The following PRKAR1A variants were observed in gnomAD, a reference collection of about 807,000 sequenced individuals.
The protein encoded by PRKAR1A is cAMP-dependent protein kinase type I-alpha regulatory subunit.
PRKAR1A carries 3 observed loss-of-function variants against 52.0 expected under a neutral mutation model. That is an observed-to-expected ratio of 0.06 (90% CI 0.03 to 0.15). The LOEUF (loss-of-function observed/expected upper bound fraction) is 0.15. PRKAR1A is among the 10% of genes least tolerant of loss of function. The pLI is 1.00. For missense variants in PRKAR1A, 240 were observed against 477.4 expected (o/e 0.50, Z 4.63); for synonymous variants, 188 against 168.4 (o/e 1.12, Z -0.90).
rs372462265 is a variant in PRKAR1A, at chr17:68,524,972, A to G, written c.549+14A>G. The G allele has an allele frequency of 1.7e-4, 265 of 1,590,104 alleles. 2 individuals carry two copies. In the African/African-American group the frequency reaches 2.9e-3, roughly 18 times the overall value. On this transcript the variant is annotated intron_variant, in intron 6 of 10. Coordinates refer to ENST00000589228, the MANE Select transcript of PRKAR1A (RefSeq NM_002734.5). Reference sequence around the variant, plus strand: ...GGAGAGACGGATGTAAGATTTACCAATATCAAAAATATGTTGATCTTAAAA... The same window carrying G: ...GGAGAGACGGATGTAAGATTTACCAGTATCAAAAATATGTTGATCTTAAAA...
At chr17:68,546,569 G>A (rs576370315) in intron 11 of PRKAR1A, among the ~76,000 whole-genome samples, 3 of 152,050 alleles carry the variant, frequency 2.0e-5, no homozygotes, top group East Asian at 1.9e-4. Context: ...GGTGGCTCGC[G>A]CCTATAATCC....
chr17:68,446,414 T>C, the PRKAR1A span, among the ~76,000 whole-genome samples: 2 of 152,090 alleles, frequency 1.3e-5, no homozygotes, highest in Non-Finnish European at 2.9e-5. Flanking sequence ...CCTCCTGAGC[T>C]CAAGAGCTCC....
At chr17:68,441,597 G>C in the PRKAR1A span, among the ~76,000 whole-genome samples, 2 of 152,174 alleles carry the variant, frequency 1.3e-5, no homozygotes, top group African/African-American at 4.8e-5. Context: ...GTGAGGACCT[G>C]GTCATGTCAC....
the PRKAR1A span, among the ~76,000 whole-genome samples, chr17:68,415,180 A>G: frequency 7.2e-5 from 11 of 152,078 alleles, no homozygotes; most frequent in African/African-American, 2.7e-4. Context: ...CTTTCCCCTT[A>G]GCCCCTCCTT....
chr17:68,495,989 CTCT>C, the PRKAR1A span, among the ~76,000 whole-genome samples: 17 of 7,952 alleles, frequency 2.1e-3, 1 homozygote, highest in Admixed American at 0.016. Flanking sequence ...CTCTCCTCTC[CTCT>C]CCTCTCCTCC....
chr17:68,488,104 T>C, the PRKAR1A span, among the ~76,000 whole-genome samples: 1 of 151,764 alleles, frequency 6.6e-6, no homozygotes. Flanking sequence ...GATGGCCAGG[T>C]GGCTTTTGAG....
chr17:68,480,732 T>C, the PRKAR1A span, among the ~76,000 whole-genome samples: 2 of 152,116 alleles, frequency 1.3e-5, no homozygotes, highest in South Asian at 4.1e-4. Flanking sequence ...AATTTTTTTG[T>C]AGAGATGGGG....
the PRKAR1A span, among the ~76,000 whole-genome samples, chr17:68,453,765 C>T: frequency 1.3e-5 from 2 of 152,092 alleles, no homozygotes; most frequent in Non-Finnish European, 2.9e-5. Context: ...AGCCACCATG[C>T]CTGGTCTAAG....
the PRKAR1A span, chr17:68,457,371 G>C: frequency 6.5e-7 from 1 of 1,542,622 alleles, no homozygotes; most frequent in Non-Finnish European, 8.7e-7. Context: ...AGAAGCAGCT[G>C]AGCGCCGACT....
the PRKAR1A span, among the ~76,000 whole-genome samples, chr17:68,504,845 T>G: frequency 6.6e-6 from 1 of 152,212 alleles, no homozygotes; most frequent in Non-Finnish European, 1.5e-5. Flanking sequence ...TTGTAAAGGA[T>G]AAATGCTTTG....
At chr17:68,507,530 G>C (rs543638896), upstream of PRKAR1A, among the ~76,000 whole-genome samples, 2 of 152,292 alleles carry the variant, frequency 1.3e-5, no homozygotes, top group South Asian at 2.1e-4. Flanking sequence ...CAGCTAATGC[G>C]TGTGGGTCTT....
chr17:68,433,785 T>TTTGTTTTTTTG, the PRKAR1A span, among the ~76,000 whole-genome samples: 49 of 88,324 alleles, frequency 5.5e-4, no homozygotes, highest in African/African-American at 1.6e-3. Flanking sequence ...TTTTTTTTTT[T>TTTGTTTTTTTG]TTTTTTTTTT....
At chr17:68,442,432 T>G in the PRKAR1A span, among the ~76,000 whole-genome samples, 1 of 133,876 alleles carries the variant, frequency 7.5e-6, no homozygotes, top group African/African-American at 2.9e-5. Context: ...ACCACCTCAC[T>G]CCAGCCTGGG....
At chr17:68,474,068 A>G in the PRKAR1A span, among the ~76,000 whole-genome samples, 1 of 151,682 alleles carries the variant, frequency 6.6e-6, no homozygotes, top group African/African-American at 2.4e-5. Context: ...GCATGTTAAC[A>G]TAAGATCTTC....
chr17:68,507,093 T>C (rs2085208339), upstream of PRKAR1A, among the ~76,000 whole-genome samples: 1 of 152,180 alleles, frequency 6.6e-6, no homozygotes, highest in African/African-American at 2.4e-5. Context: ...AGAGTATAGG[T>C]ACATGATCAG....
the PRKAR1A span, chr17:68,433,684 G>C: frequency 4.0e-4 from 287 of 718,016 alleles, no homozygotes; most frequent in African/African-American, 4.9e-3. Context: ...GAAGAGCCTA[G>C]GTAGACCCAG....
chr17:68,529,829 G>T (rs2085912644), intron 9 of PRKAR1A, 91 bp from the exon 10 acceptor site: 1 of 1,182,748 alleles, frequency 8.5e-7, no homozygotes, highest in African/African-American at 1.5e-5. Flanking sequence ...GCACACATTT[G>T]CAAGGTAGTT....
chr17:68,524,226 T>A, intron 5 of PRKAR1A, 149 bp downstream of exon 5: 2 of 722,588 alleles, frequency 2.8e-6, no homozygotes, highest in Non-Finnish European at 4.6e-6. Context: ...CTATTTCTTT[T>A]AAATTAAGAT....
the PRKAR1A span, among the ~76,000 whole-genome samples, chr17:68,464,643 C>T: frequency 5.3e-5 from 8 of 150,988 alleles, no homozygotes; most frequent in South Asian, 4.2e-4. Flanking sequence ...ATCGTGCCGC[C>T]GCACACTGTA....
Sources: allele counts gnomAD v4.1 joint callset (sites outside exome capture counted in the v4.1 genomes callset), GRCh38; gene constraint gnomAD v4.1.1; transcripts MANE v1.5; gene names NCBI Gene and HGNC (gene_info 2026-07-23, HGNC 2026-07-21).